SSH2: variants seen among roughly 807,000 people sequenced by gnomAD.
SSH2 encodes the protein slingshot protein phosphatase 2, also known as protein phosphatase Slingshot homolog 2.
SSH2 carries 37 observed loss-of-function variants against 135.2 expected under a neutral mutation model. The ratio of observed to expected loss-of-function variants is 0.27; its 90% CI spans 0.21 to 0.36. The LOEUF is 0.36. Among genes scored for constraint, SSH2 ranks in the 10% least tolerant of loss-of-function variants. The pLI is 1.00. For missense variants in SSH2, 1,408 were observed against 1,765.3 expected (o/e 0.80, Z 3.63); for synonymous variants, 628 against 646.2 (o/e 0.97, Z 0.43).
chr17:29,782,369 C>A (rs2041858841), intron 3 of SSH2, among the ~76,000 whole-genome samples: 1 of 152,172 alleles, frequency 6.6e-6, no homozygotes, highest in South Asian at 2.1e-4. Flanking sequence ...AATACATAAT[C>A]CCTGTCCTCA....
At chr17:29,738,753 A>G (rs1325783620) in intron 3 of SSH2, among the ~76,000 whole-genome samples, 1 of 151,612 alleles carries the variant, frequency 6.6e-6, no homozygotes, top group Non-Finnish European at 1.5e-5. Flanking sequence ...ACGGGGTTTC[A>G]CTGTGTTAGC....
At chr17:29,654,062 GAT>G (rs1382044883) in intron 12 of SSH2, among the ~76,000 whole-genome samples, 2 of 152,184 alleles carry the variant, frequency 1.3e-5, no homozygotes, top group Non-Finnish European at 2.9e-5. Context: ...GCAAATGGCA[GAT>G]ACAGGATTAG....
intron 5 of SSH2, among the ~76,000 whole-genome samples, chr17:29,690,349 G>A (rs1050473212): frequency 1.1e-4 from 17 of 150,414 alleles, no homozygotes; most frequent in Non-Finnish European, 2.5e-4. Flanking sequence ...AGGTTGTGGT[G>A]AGCCAAGATT....
chr17:29,683,692 C>T (rs1440253520), intron 6 of SSH2, among the ~76,000 whole-genome samples: 1 of 150,754 alleles, frequency 6.6e-6, no homozygotes, highest in African/African-American at 2.4e-5. Flanking sequence ...TTTGGGAAGC[C>T]GAAGTGGGAG....
intron 1 of SSH2, among the ~76,000 whole-genome samples, chr17:29,904,758 T>A (rs1456818435): frequency 6.6e-6 from 1 of 152,178 alleles, no homozygotes; most frequent in East Asian, 1.9e-4. Context: ...AACCCCATTG[T>A]CTCAGCCCCA....
chr17:29,824,398 A>G (rs1314924792), intron 2 of SSH2, among the ~76,000 whole-genome samples: 2 of 152,140 alleles, frequency 1.3e-5, no homozygotes, highest in Non-Finnish European at 2.9e-5. Context: ...CATCCCCAAC[A>G]GGCCCTGAGA....
At chr17:29,683,170 C>A (rs568885016) in intron 6 of SSH2, among the ~76,000 whole-genome samples, 1 of 152,256 alleles carries the variant, frequency 6.6e-6, no homozygotes, top group South Asian at 2.1e-4. Context: ...CCATTCTAAT[C>A]CTGAACCAGG....
chr17:29,918,456 C>T (rs2066920158), intron 1 of SSH2, among the ~76,000 whole-genome samples: 1 of 152,112 alleles, frequency 6.6e-6, no homozygotes, highest in Non-Finnish European at 1.5e-5. Flanking sequence ...TTTGCACAGT[C>T]ACTTTAAAGA....
intron 1 of SSH2, among the ~76,000 whole-genome samples, chr17:29,911,673 C>T (rs996718052): frequency 2.0e-5 from 3 of 152,020 alleles, no homozygotes; most frequent in Non-Finnish European, 4.4e-5. Flanking sequence ...GCAAACTTAC[C>T]CCCAAAAAAC....
chr17:29,756,810 A>G (rs2041144932), intron 3 of SSH2, among the ~76,000 whole-genome samples: 1 of 151,896 alleles, frequency 6.6e-6, no homozygotes. Flanking sequence ...GCGTGACACC[A>G]TGGCTGGCTA....
intron 1 of SSH2, among the ~76,000 whole-genome samples, chr17:29,917,727 T>C (rs2066908401): frequency 6.6e-6 from 1 of 151,548 alleles, no homozygotes; most frequent in African/African-American, 2.4e-5. Flanking sequence ...TGGTGGCGGA[T>C]GCCTGTAATA....
At chr17:29,925,536 C>A (rs1005368493) in intron 1 of SSH2, 1 of 398,168 alleles carries the variant, frequency 2.5e-6, no homozygotes, top group African/African-American at 2.1e-5. Flanking sequence ...GGCAGCAAGA[C>A]CCCAAGCAAG....
At chr17:29,846,820 G>A (rs542571527) in intron 2 of SSH2, among the ~76,000 whole-genome samples, 28 of 152,296 alleles carry the variant, frequency 1.8e-4, no homozygotes, top group Admixed American at 1.5e-3. Flanking sequence ...TCAACAATAT[G>A]TATGGAGTGC....
intron 3 of SSH2, among the ~76,000 whole-genome samples, chr17:29,722,232 C>CCACTG (rs1399230643): frequency 6.6e-6 from 1 of 151,078 alleles, no homozygotes; most frequent in Non-Finnish European, 1.5e-5. Flanking sequence ...CGAGATCGCG[C>CCACTG]CACTGCACTC....
intron 3 of SSH2, among the ~76,000 whole-genome samples, chr17:29,771,368 A>G (rs1271874827): frequency 6.6e-6 from 1 of 152,236 alleles, no homozygotes; most frequent in Non-Finnish European, 1.5e-5. Context: ...CACTAAATAC[A>G]TCCTGGTTAG....
Position 29,632,635 on chromosome 17 carries a change from T to G in SSH2, c.2559A>C (p.Glu853Asp), listed in dbSNP as rs1217700599. The G allele has an allele frequency of 6.2e-7, 1 of 1,614,066 alleles. No individual in the cohort carries two copies. Among genetic ancestry groups the G allele is most frequent in the African/African-American group, 1.3e-5 (1 of 74,900 alleles). The change falls in exon 16 of 16, where the codon GAA (glutamate) becomes GAC (aspartate). Residue 853 changes from glutamate (E) to aspartate (D), a missense_variant. Around this residue, in one of 3 missense-constraint regions of SSH2, gnomAD observed 1,080 missense variants for 1,144.5 expected, o/e 0.94. Coordinates refer to ENST00000540801, the MANE Select transcript of SSH2 (RefSeq NM_001282129.2). ...LAKDSGMCNP[E>D]GCLTTHSSIA... ...TAGATGAGTGTGTGGTTAGGCAGCC[T>G]TCTGGGTTGCACATCCCTGAGTCTT...
chr17:29,704,317 G>C (rs961904116), intron 3 of SSH2, among the ~76,000 whole-genome samples: 4 of 152,134 alleles, frequency 2.6e-5, no homozygotes, highest in Admixed American at 2.0e-4. Flanking sequence ...AAAAGTAGTA[G>C]GCAGGAAGTG....
At chr17:29,641,521 A>C (rs2036158933) in intron 14 of SSH2, 1 of 152,210 alleles carries the variant, frequency 6.6e-6, no homozygotes, top group Non-Finnish European at 1.5e-5. Flanking sequence ...ATATAAAGAC[A>C]CAGACATACA....
chr17:29,852,264 C>T (rs2065575987), intron 1 of SSH2, among the ~76,000 whole-genome samples: 1 of 151,416 alleles, frequency 6.6e-6, no homozygotes, highest in South Asian at 2.1e-4. Context: ...GACAGAGTGA[C>T]ACTCTGTCTC....
Sources: gnomAD v4.1 joint callset for allele counts (sites outside exome capture counted in the v4.1 genomes callset) on GRCh38, gnomAD v4.1.1 for gene constraint, gnomAD v4.1.1 regional missense constraint, MANE v1.5 for transcripts, NCBI Gene and HGNC (gene_info 2026-07-23, HGNC 2026-07-21) for gene names.